The following RHOBTB1 variants were observed in gnomAD, a reference collection of about 807,000 sequenced individuals.
RHOBTB1 encodes the protein Rho related BTB domain containing 1.
A neutral mutation model predicts 71.6 loss-of-function variants in RHOBTB1; 40 were observed. The observed-to-expected ratio is 0.56, with a 90% CI of 0.43 to 0.73. The LOEUF (loss-of-function observed/expected upper bound fraction) is 0.73. Ranked by LOEUF, RHOBTB1 falls within the 30% of genes least tolerant of loss-of-function variation. RHOBTB1 has a pLI of 0.00. For missense variants in RHOBTB1, 797 were observed against 894.0 expected, an observed-to-expected ratio of 0.89 and a Z score of 1.38; for synonymous variants, 319 against 334.9, an observed-to-expected ratio of 0.95 and a Z score of 0.52.
chr10:60,974,044 C>G (rs1005514817), intron 2 of RHOBTB1, among the ~76,000 whole-genome samples: 2 of 151,976 alleles, frequency 1.3e-5, no homozygotes, highest in Non-Finnish European at 2.9e-5. Flanking sequence ...AAATAGTCAT[C>G]AGAATTTTCT....
intron 2 of RHOBTB1, among the ~76,000 whole-genome samples, chr10:60,979,623 A>C (rs1208140444): frequency 6.6e-6 from 1 of 152,218 alleles, no homozygotes; most frequent in Non-Finnish European, 1.5e-5. Context: ...GGGATACACT[A>C]GTGAAAGTCA....
intron 2 of RHOBTB1, among the ~76,000 whole-genome samples, chr10:60,960,343 A>T (rs1236653449): frequency 1.3e-5 from 2 of 152,210 alleles, no homozygotes; most frequent in Non-Finnish European, 2.9e-5. Context: ...GAATTTAATC[A>T]AATAGTATGT....
chr10:60,989,534 T>C (rs1173624389), intron 1 of RHOBTB1, among the ~76,000 whole-genome samples: 1 of 152,234 alleles, frequency 6.6e-6, no homozygotes, highest in Non-Finnish European at 1.5e-5. Flanking sequence ...TTCCTCTTCA[T>C]AGGCAAACTA....
chr10:60,911,611 G>T, intron 2 of RHOBTB1, 59 bp from the exon 3 acceptor site: 1 of 1,388,820 alleles, frequency 7.2e-7, no homozygotes. Flanking sequence ...AGCAATCAAA[G>T]ACGTAAGAGG....
intron 5 of RHOBTB1, among the ~76,000 whole-genome samples, chr10:60,890,127 G>A (rs573822804): frequency 3.1e-4 from 47 of 152,270 alleles, no homozygotes; most frequent in African/African-American, 1.1e-3. Context: ...TAAGCAATTA[G>A]AGTCAAGACT....
chr10:60,905,449 C>CAAAAAAAAAAAAA lies in RHOBTB1; in HGVS notation c.296+5425_296+5437dup, dbSNP rs35538782. Among the ~76,000 whole-genome samples, 126 of 48,980 alleles carry CAAAAAAAAAAAAA rather than the reference C, an allele frequency of 2.6e-3. 2 individuals are homozygous for CAAAAAAAAAAAAA. Among genetic ancestry groups the CAAAAAAAAAAAAA allele is most frequent in the Non-Finnish European group, 4.2e-3 (109 of 26,122 alleles). The allele number at this position is 48,980 out of a possible 152,430, so 32.1% of individuals were successfully genotyped here. A position where few individuals can be genotyped will look rare whatever the true frequency, so the allele number is the denominator to read the frequency against. ...TGGGCAATAGTGAGAGACTCTTTCT[C>CAAAAAAAAAAAAA]AAAAAAAAAAAAAAAAAAAAAAAAA... On this transcript the variant is annotated intron_variant, in intron 4 of 10. Coordinates refer to ENST00000337910, the MANE Select transcript of RHOBTB1 (RefSeq NM_014836.5).
At chr10:60,896,155 CTT>C (rs369901720) in intron 4 of RHOBTB1, among the ~76,000 whole-genome samples, 93 of 152,356 alleles carry the variant, frequency 6.1e-4, no homozygotes, top group African/African-American at 2.2e-3. Context: ...TATTAAATAA[CTT>C]TTAATCAAAA....
intron 8 of RHOBTB1, among the ~76,000 whole-genome samples, chr10:60,876,057 G>A (rs1415024971): frequency 6.6e-6 from 1 of 152,144 alleles, no homozygotes; most frequent in African/African-American, 2.4e-5. Context: ...TATCGGGAAT[G>A]GAATGATTTC....
chr10:60,893,714 G>A (rs1416883409), intron 4 of RHOBTB1, among the ~76,000 whole-genome samples: 5 of 152,172 alleles, frequency 3.3e-5, no homozygotes, highest in Non-Finnish European at 7.4e-5. Context: ...TACAAAGCAG[G>A]TATATGGGGA....
At chr10:60,914,300 T>C (rs1036895404) in intron 2 of RHOBTB1, among the ~76,000 whole-genome samples, 1 of 152,074 alleles carries the variant, frequency 6.6e-6, no homozygotes, top group Admixed American at 6.6e-5. Context: ...AGAATAAAAA[T>C]AGTAATACCT....
At chr10:60,863,980 G>C in the RHOBTB1 span, among the ~76,000 whole-genome samples, 5 of 152,250 alleles carry the variant, frequency 3.3e-5, no homozygotes, top group Middle Eastern at 6.8e-3. Flanking sequence ...GAAATGCCTG[G>C]AGTTTCCATT....
intron 1 of RHOBTB1, among the ~76,000 whole-genome samples, chr10:61,000,390 GC>G: frequency 6.6e-6 from 1 of 152,116 alleles, no homozygotes; most frequent in Non-Finnish European, 1.5e-5. Flanking sequence ...AGATCTGGTG[GC>G]CAACACCAGG....
chr10:60,898,727 C>T (rs1200091382), intron 4 of RHOBTB1, among the ~76,000 whole-genome samples: 1 of 152,198 alleles, frequency 6.6e-6, no homozygotes, highest in Non-Finnish European at 1.5e-5. Flanking sequence ...ACTGTCAAAA[C>T]ATCCTGAAAT....
At chr10:60,980,082 T>C (rs896027403) in intron 2 of RHOBTB1, among the ~76,000 whole-genome samples, 7 of 152,136 alleles carry the variant, frequency 4.6e-5, no homozygotes, top group Non-Finnish European at 5.9e-5. Context: ...AGCAAAATTA[T>C]ATGATTTATA....
chr10:60,987,608 G>A (rs73268017), intron 1 of RHOBTB1, among the ~76,000 whole-genome samples: 3,238 of 152,178 alleles, frequency 0.021, 115 homozygotes, highest in African/African-American at 0.073. Flanking sequence ...CATCTAATGT[G>A]TTCCTGCTTC....
At chr10:60,907,238 C>T (rs1301170950) in intron 4 of RHOBTB1, among the ~76,000 whole-genome samples, 13 of 152,186 alleles carry the variant, frequency 8.5e-5, no homozygotes, top group Admixed American at 7.9e-4. Flanking sequence ...AATACAGGGA[C>T]TGAAGGGCCA....
chr10:60,946,046 C>T (rs545806398), upstream of RHOBTB1, among the ~76,000 whole-genome samples: 70 of 152,246 alleles, frequency 4.6e-4, no homozygotes, highest in African/African-American at 1.5e-3. Flanking sequence ...GGCGCGGTGG[C>T]GCACGCCTGT....
chr10:60,871,911 C>T (rs1564729081), intron 10 of RHOBTB1: 2 of 604,458 alleles, frequency 3.3e-6, no homozygotes, highest in South Asian at 4.0e-5. Flanking sequence ...GCTTGTCTCC[C>T]TAAACAAGGG....
chr10:60,886,434 C>T (rs895551059), intron 6 of RHOBTB1, among the ~76,000 whole-genome samples: 2 of 152,158 alleles, frequency 1.3e-5, no homozygotes, highest in African/African-American at 2.4e-5. Context: ...GACATCATCA[C>T]ACATAAAGTC....
Sources: allele counts gnomAD v4.1 joint callset (sites outside exome capture counted in the v4.1 genomes callset), GRCh38; gene constraint gnomAD v4.1.1; transcripts MANE v1.5; gene names NCBI Gene and HGNC (gene_info 2026-07-23, HGNC 2026-07-21).